The following SEC16A variants were observed in gnomAD, a reference collection of about 807,000 sequenced individuals.
The protein encoded by SEC16A is protein transport protein Sec16A.
Under a neutral mutation model 221.9 loss-of-function variants are expected in SEC16A, and 110 were observed. The ratio of observed to expected loss-of-function variants is 0.50; its 90% CI spans 0.42 to 0.58. SEC16A has a LOEUF of 0.58. SEC16A is among the 20% of genes least tolerant of loss of function. SEC16A has a pLI of 0.00. For synonymous variants in SEC16A, 1,393 were observed against 1,257.7 expected, an observed-to-expected ratio of 1.11 and a Z score of -2.28; for missense variants, 3,165 against 3,097.8, an observed-to-expected ratio of 1.02 and a Z score of -0.52.
rs371255911 is a variant in SEC16A at position 136,475,547 on chromosome 9, G to A, written c.2069C>T (p.Pro690Leu). 5.3e-5 allele frequency: 85 copies of A among 1,613,328 alleles called. No homozygotes were observed. In the East Asian group the frequency reaches 5.8e-4, roughly 11 times the overall value. ...NSTTEAVHML[P>L]HAGAPPLDTV... ...ATCCAAGGGCGGTGCCCCTGCGTGC[G>A]GAAGCATGTGCACAGCTTCCGTGGT... The change falls in exon 3 of 32, where the codon CCG becomes CTG. Residue 690 changes from proline (P) to leucine (L), a missense_variant. Transcript: ENST00000684901. This position sits in a 1 kb window ranked among gnomAD's most constrained non-coding sequence, Gnocchi z 5.0.
At chr9:136,453,562 G>T in intron 21 of SEC16A, 52 bp from the exon 22 acceptor site, 1 of 1,450,922 alleles carries the variant, frequency 6.9e-7, no homozygotes, top group Non-Finnish European at 9.7e-7. Flanking sequence ...AAGGCGGGAC[G>T]TGTGTGTGGC....
In SEC16A at chr9:136,476,460, TCTC is replaced by T. The variant is rs762246282; in HGVS notation, c.1153_1155del (p.Glu385del). The T allele has an allele frequency of 2.2e-5, 36 of 1,613,084 alleles. No individual in the cohort carries two copies. In the South Asian group the frequency reaches 2.9e-4, roughly 13 times the overall value. On this transcript the variant is annotated inframe_deletion, in exon 3 of 32. Transcript: ENST00000684901. ...AAGCCTGCTTTTTCAGATGAGAGAT[TCTC>T]CTCATTTTCTGTCTCTCCCCCTTGG...
At position 136,459,582 on chromosome 9, in the gene SEC16A, CG is replaced by C. The variant is rs1839192526; in HGVS notation, c.5192-28del. 1 of 1,539,872 alleles carries C rather than the reference CG, an allele frequency of 6.5e-7. No homozygotes were observed. The highest frequency in any genetic ancestry group is 8.8e-7 in the Non-Finnish European group (1 of 1,132,570). On this transcript the variant is annotated intron_variant, in intron 15 of 31. Coordinates refer to ENST00000684901, the MANE Select transcript of SEC16A (RefSeq NM_014866.2). The surrounding 1 kb of genome is among the most constrained non-coding windows in gnomAD (Gnocchi z 6.1). ...TGCGGAGAGACGACACGACACACGG[CG>C]GGGGCTCAGCGACCGGGAGCGCTTG...
rs892623219 is a variant in SEC16A, at chr9:136,477,585, C to T, written c.31G>A (p.Gly11Ser). MQPPPQTVPSGMAGPPPAGNP... is the reference protein window; with the variant it reads MQPPPQTVPSSMAGPPPAGNP... Reference sequence around the variant, plus strand: ...CCGGCTGGAGGTGGCCCAGCCATGCCAGACGGGACCGTCTGGGGCGGTGGC... The same window carrying T: ...CCGGCTGGAGGTGGCCCAGCCATGCTAGACGGGACCGTCTGGGGCGGTGGC... The change falls in exon 3 of 32, where the codon GGC (glycine) becomes AGC (serine). Residue 11 changes from glycine (G) to serine (S), a missense_variant. Physicochemically the swap from Gly to Ser is moderately conservative, Grantham distance 56 (BLOSUM62 0). Around this residue, in one of 3 missense-constraint regions of SEC16A, gnomAD observed 2,030 missense variants for 1,923.1 expected, o/e 1.06. Coordinates refer to ENST00000684901, the MANE Select transcript of SEC16A (RefSeq NM_014866.2). The T allele has an allele frequency of 6.2e-7, 1 of 1,611,602 alleles. No individual in the cohort carries two copies. The highest frequency in any genetic ancestry group is 1.3e-5 in the African/African-American group (1 of 74,870).
At chr9:136,482,526 T>C (rs1025040816) in intron 1 of SEC16A, among the ~76,000 whole-genome samples, 2 of 152,196 alleles carry the variant, frequency 1.3e-5, no homozygotes, top group African/African-American at 4.8e-5. Flanking sequence ...AACAAACAAC[T>C]CTGCTCTTTG....
chr9:136,483,066 C>T, upstream of SEC16A: 6 of 974,202 alleles, frequency 6.2e-6, no homozygotes, highest in Non-Finnish European at 7.3e-6. Flanking sequence ...GGCCGCCGCG[C>T]CGCCGACGTG....
Position 136,476,229 on chromosome 9 carries a change from C to T in SEC16A, c.1387G>A (p.Glu463Lys), listed in dbSNP as rs762236641. ...GSQYENVENL[E>K]FVQNQEVLPS... is the part of the protein sequence containing the mutation. Reference sequence around the variant, plus strand: ...AGAACTTCTTGATTCTGAACAAATTCTAAGTTCTCAACATTCTCATACTGC... The same window carrying T: ...AGAACTTCTTGATTCTGAACAAATTTTAAGTTCTCAACATTCTCATACTGC... Residue 463 changes from glutamate to lysine, a missense_variant, in exon 3 of 32, where the codon GAA (glutamate) becomes AAA (lysine). Coordinates refer to ENST00000684901, the MANE Select transcript of SEC16A (RefSeq NM_014866.2). 1 of 1,613,618 alleles carries T rather than the reference C, an allele frequency of 6.2e-7. No homozygotes were observed. The highest frequency in any genetic ancestry group is 8.5e-7 in the Non-Finnish European group (1 of 1,179,902).
chr9:136,456,086 C>A lies in SEC16A; in HGVS notation c.5631G>T (p.Leu1877=). The part of the protein sequence containing the change: ...EEESLAAPTW[L]VHLQQVERQI... Reference sequence around the variant, plus strand: ...GCCGCTCCACCTGCTGCAGGTGAACCAGCCACGTGGGTGCGGCCAAGGACT... The same window carrying A: ...GCCGCTCCACCTGCTGCAGGTGAACAAGCCACGTGGGTGCGGCCAAGGACT... Residue 1877 remains leucine, a synonymous_variant, in exon 19 of 32, where the codon CTG becomes CTT. Transcript: ENST00000684901. 6.2e-7 allele frequency: 1 copy of A among 1,612,970 alleles called. No individual in the cohort carries two copies. Among genetic ancestry groups the A allele is most frequent in the Non-Finnish European group, 8.5e-7 (1 of 1,179,596 alleles).
intron 5 of SEC16A, among the ~76,000 whole-genome samples, chr9:136,467,807 G>A (rs1213354859): frequency 1.3e-5 from 2 of 152,292 alleles, no homozygotes; most frequent in Non-Finnish European, 2.9e-5. Flanking sequence ...TTGTCAAGGG[G>A]ATTCAGGGCC....
intron 21 of SEC16A, 105 bp downstream of exon 21, chr9:136,454,002 ATG>A: frequency 2.9e-6 from 3 of 1,046,300 alleles, no homozygotes; most frequent in Non-Finnish European, 4.3e-6. Flanking sequence ...AAGACAAGTA[ATG>A]TAAGTTGTTT....
In SEC16A at chr9:136,476,660, T is replaced by C. The variant is rs1466958796; in HGVS notation, c.956A>G (p.Gln319Arg). 6.4e-7 allele frequency: 1 copy of C among 1,571,408 alleles called. No individual in the cohort carries two copies. The highest frequency in any genetic ancestry group is 8.6e-7 in the Non-Finnish European group (1 of 1,156,558). Residue 319 changes from glutamine (Q) to arginine (R), a missense_variant, in exon 3 of 32, where the codon CAG (glutamine) becomes CGG (arginine). Physicochemically the swap from Gln to Arg is conservative, Grantham distance 43. Transcript: ENST00000684901. ...GTGCTCATTCTTCACTCCTGGATTCTGCCTGAGCTCTGGGCTTGCCCAGTG... is the reference window on the plus strand; with the variant it reads ...GTGCTCATTCTTCACTCCTGGATTCCGCCTGAGCTCTGGGCTTGCCCAGTG... ...VNHWASPELRQNPGVKNEHRP... is the reference protein window; with the variant it reads ...VNHWASPELRRNPGVKNEHRP...
chr9:136,476,135 C>T lies in SEC16A; in HGVS notation c.1481G>A (p.Gly494Glu), dbSNP rs759700590. The change falls in exon 3 of 32, where the codon GGG becomes GAG. Residue 494 changes from glycine (G) to glutamate (E), a missense_variant. Physicochemically the swap from Gly to Glu is moderately conservative, Grantham distance 98. Around this residue, in one of 3 missense-constraint regions of SEC16A, gnomAD observed 2,030 missense variants for 1,923.1 expected, o/e 1.06. Coordinates refer to ENST00000684901, the MANE Select transcript of SEC16A (RefSeq NM_014866.2). ...SDQFRYGPLP[G>E]PAVPRHGAVC... ...AGCACCATGCCTGGGCACAGCTGGC[C>T]CAGGAAGGGGCCCATATCTGAACTG... The T allele has an allele frequency of 6.2e-7, 1 of 1,613,710 alleles. No homozygotes were observed. Among genetic ancestry groups the T allele is most frequent in the Non-Finnish European group, 8.5e-7 (1 of 1,179,840 alleles).
At chr9:136,480,649 T>C (rs1323249022) in intron 1 of SEC16A, among the ~76,000 whole-genome samples, 3 of 152,092 alleles carry the variant, frequency 2.0e-5, no homozygotes, top group African/African-American at 7.2e-5. Context: ...CCCAGCACTT[T>C]GGGAGGCCGA....
At chr9:136,444,955 G>T in intron 30 of SEC16A, 97 bp downstream of exon 30, 2 of 941,014 alleles carry the variant, frequency 2.1e-6, no homozygotes, top group Non-Finnish European at 1.6e-6. Flanking sequence ...GGCGAGGTTA[G>T]TGGCAAAGCG....
At chr9:136,462,057 G>A (rs1047238715) in intron 12 of SEC16A, among the ~76,000 whole-genome samples, 1 of 152,024 alleles carries the variant, frequency 6.6e-6, no homozygotes, top group South Asian at 2.1e-4. Context: ...ACATTAAGCT[G>A]TGATCACGCC....
At chr9:136,453,338 A>G in intron 22 of SEC16A, 90 bp downstream of exon 22, 1 of 909,264 alleles carries the variant, frequency 1.1e-6, no homozygotes, top group Non-Finnish European at 1.8e-6. Context: ...AGTCCTCACT[A>G]CCATCATCTT....
chr9:136,481,529 T>C (rs1842362238), intron 1 of SEC16A, among the ~76,000 whole-genome samples: 1 of 152,220 alleles, frequency 6.6e-6, no homozygotes. Context: ...TTCATAAACC[T>C]AGCTAGTCAG....
At chr9:136,468,125 A>G (rs924601116) in intron 5 of SEC16A, among the ~76,000 whole-genome samples, 2 of 152,270 alleles carry the variant, frequency 1.3e-5, no homozygotes, top group Non-Finnish European at 2.9e-5. Flanking sequence ...CAGCTCTCGA[A>G]CTGCTAGTTA....
chr9:136,451,994 G>A (rs1382920073), intron 22 of SEC16A, among the ~76,000 whole-genome samples: 1 of 152,108 alleles, frequency 6.6e-6, no homozygotes, highest in East Asian at 1.9e-4. Context: ...CATCCCTCCT[G>A]GTTAGGAGTA....
Sources: allele counts gnomAD v4.1 joint callset (sites outside exome capture counted in the v4.1 genomes callset), GRCh38; gene constraint gnomAD v4.1.1; regional missense constraint gnomAD v4.1.1; non-coding constraint Gnocchi (gnomAD v3.1); transcripts MANE v1.5; gene names NCBI Gene and HGNC (gene_info 2026-07-23, HGNC 2026-07-21).